The following CYREN variants were observed in gnomAD, a reference collection of about 807,000 sequenced individuals.
The protein encoded by CYREN is cell cycle regulator of NHEJ.
Under a neutral mutation model 9.7 loss-of-function variants are expected in CYREN, and 7 were observed. That is an observed-to-expected ratio of 0.72 (90% CI 0.41 to 1.36). The LOEUF is 1.36. CYREN is among the 40% of genes most tolerant of loss of function. The probability of loss-of-function intolerance (pLI) is 0.01; values close to 1 mark genes in which losing one functional copy is unlikely to be tolerated. For synonymous variants in CYREN, 76 were observed against 77.9 expected, an observed-to-expected ratio of 0.98 and a Z score of 0.13; for missense variants, 215 against 198.1, an observed-to-expected ratio of 1.09 and a Z score of -0.51.
intron 3 of CYREN, 61 bp downstream of exon 3, chr7:135,167,671 G>C: frequency 1.2e-6 from 2 of 1,603,114 alleles, no homozygotes; most frequent in African/African-American, 1.3e-5. Flanking sequence ...CGGTGACCAA[G>C]GGTCTAGCCT....
chr7:135,137,728 G>A (rs1275788963), intron 2 of CYREN, among the ~76,000 whole-genome samples: 4 of 152,072 alleles, frequency 2.6e-5, no homozygotes, highest in African/African-American at 7.2e-5. Flanking sequence ...TCAGGCTGCT[G>A]TAACAAAATA....
Position 135,169,148 on chromosome 7 carries a change from C to T in CYREN, c.-138-88G>A, listed in dbSNP as rs201216605. 1.7e-5 allele frequency: 7 copies of T among 421,814 alleles called. No individual in the cohort carries two copies. The East Asian group carries it at 2.6e-4, about 16-fold the overall frequency. 26.1% of individuals were successfully genotyped at this position (421,814 alleles called of 1,614,324 possible). On this transcript the variant is annotated intron_variant, in intron 1 of 3. Coordinates refer to ENST00000393114, the MANE Select transcript of CYREN (RefSeq NM_024033.4). ...TCGGTGCAGGGCAGGCCAGAAGTGA[C>T]CAAGGCCCAAGAGACTCAGACGGCC... is the stretch of plus-strand genomic sequence containing the variant.
chr7:135,144,216 T>A (rs1829502543), intron 2 of CYREN, among the ~76,000 whole-genome samples: 1 of 151,316 alleles, frequency 6.6e-6, no homozygotes, highest in African/African-American at 2.4e-5. Flanking sequence ...GCCAGGAGAG[T>A]CAAGCTGAAG....
At chr7:135,134,770 T>C (rs1829247531) in intron 2 of CYREN, 1 of 1,328,180 alleles carries the variant, frequency 7.5e-7, no homozygotes, top group African/African-American at 1.5e-5. Context: ...ATTTATACTA[T>C]GACAACATAC....
At chr7:135,138,212 A>G (rs1829390617) in intron 2 of CYREN, among the ~76,000 whole-genome samples, 1 of 152,064 alleles carries the variant, frequency 6.6e-6, no homozygotes, top group Non-Finnish European at 1.5e-5. Context: ...TGAAAATTAT[A>G]CAGGTCAGAA....
rs575041779 is a variant in CYREN, at chr7:135,117,488, T to C, written n.357-22906A>G. On this transcript the variant is annotated intron_variant and non_coding_transcript_variant, in intron 2 of 2. Coordinates refer to the CYREN transcript ENST00000459937. The stretch of plus-strand genomic sequence containing the variant: ...TAAATTAGACCAATGTCTAAAATGG[T>C]TTAGCAAAGTGTGATCTTCTCATTC... 3.3e-5 allele frequency among the ~76,000 whole-genome samples: 5 copies of C among 152,368 alleles called. No individual in the cohort carries two copies. The East Asian group carries it at 9.6e-4, about 29-fold the overall frequency.
chr7:135,163,071 C>T (rs1280458437), downstream of CYREN, among the ~76,000 whole-genome samples: 1 of 152,212 alleles, frequency 6.6e-6, no homozygotes, highest in African/African-American at 2.4e-5. Context: ...ACGATTCACA[C>T]AGCGTCTTCA....
At chr7:135,157,454 G>A (rs1021052836) in intron 2 of CYREN, among the ~76,000 whole-genome samples, 12 of 152,350 alleles carry the variant, frequency 7.9e-5, no homozygotes, top group Non-Finnish European at 7.3e-5. Context: ...CCCCAGTGGT[G>A]GCAACAGTGG....
chr7:135,131,785 T>C (rs1046148514), intron 2 of CYREN, among the ~76,000 whole-genome samples: 19 of 151,784 alleles, frequency 1.3e-4, no homozygotes, highest in African/African-American at 4.6e-4. Flanking sequence ...ATCAATAAAA[T>C]TGACAAACTT....
chr7:135,157,269 A>C (rs1368704961), intron 2 of CYREN, among the ~76,000 whole-genome samples: 2 of 152,186 alleles, frequency 1.3e-5, no homozygotes, highest in Non-Finnish European at 1.5e-5. Context: ...CATGTTGTTA[A>C]GATGCTTTGA....
chr7:135,101,039 T>G, intron 2 of CYREN: 2 of 380,060 alleles, frequency 5.3e-6, no homozygotes, highest in Non-Finnish European at 1.0e-5. Flanking sequence ...CATGAGTAGC[T>G]TACTGTTGAC....
intron 2 of CYREN, among the ~76,000 whole-genome samples, chr7:135,138,416 G>C (rs1829393318): frequency 6.6e-6 from 1 of 151,918 alleles, no homozygotes; most frequent in South Asian, 2.1e-4. Context: ...GGAGGAATTG[G>C]GAATACCCTG....
chr7:135,133,517 T>C (rs1829079967), intron 2 of CYREN, among the ~76,000 whole-genome samples: 1 of 152,192 alleles, frequency 6.6e-6, no homozygotes, highest in Non-Finnish European at 1.5e-5. Context: ...CTATCTGATT[T>C]CAAGAACTTT....
chr7:135,125,967 C>T (rs1345209056), intron 2 of CYREN, among the ~76,000 whole-genome samples: 1 of 152,084 alleles, frequency 6.6e-6, no homozygotes, highest in East Asian at 1.9e-4. Context: ...GGACACATTC[C>T]CTTTGAAAAC....
At chr7:135,164,253 G>A (rs572562258), downstream of CYREN, among the ~76,000 whole-genome samples, 1 of 152,316 alleles carries the variant, frequency 6.6e-6, no homozygotes, top group South Asian at 2.1e-4. Context: ...TTGCAAATAG[G>A]TCCTGGCAGG....
At chr7:135,139,877 G>C (rs1020893411) in intron 2 of CYREN, among the ~76,000 whole-genome samples, 1 of 152,056 alleles carries the variant, frequency 6.6e-6, no homozygotes, top group Non-Finnish European at 1.5e-5. Flanking sequence ...AGATCAGATG[G>C]TTGTAGGGTA....
At chr7:135,117,794 C>T (rs1300771716) in intron 2 of CYREN, among the ~76,000 whole-genome samples, 1 of 152,148 alleles carries the variant, frequency 6.6e-6, no homozygotes, top group Non-Finnish European at 1.5e-5. Context: ...CACAATTTGC[C>T]CTTCTCTGGG....
At chr7:135,123,670 G>A (rs1827457123) in intron 2 of CYREN, among the ~76,000 whole-genome samples, 1 of 152,148 alleles carries the variant, frequency 6.6e-6, no homozygotes, top group Non-Finnish European at 1.5e-5. Flanking sequence ...ACAAAGGGAA[G>A]CCCATCAGAC....
At chr7:135,150,592 T>A (rs1829644850) in intron 2 of CYREN, among the ~76,000 whole-genome samples, 2 of 152,172 alleles carry the variant, frequency 1.3e-5, no homozygotes, top group East Asian at 3.8e-4. Context: ...AAGAGAGGGC[T>A]GGTGCGGGAA....
Sources: allele counts gnomAD v4.1 joint callset (sites outside exome capture counted in the v4.1 genomes callset), GRCh38; gene constraint gnomAD v4.1.1; transcripts MANE v1.5; gene names NCBI Gene and HGNC (gene_info 2026-07-23, HGNC 2026-07-21).